The following ARHGAP24 variants were observed in gnomAD, a reference collection of about 807,000 sequenced individuals.
ARHGAP24 encodes the protein rho GTPase-activating protein 24.
A neutral mutation model predicts 76.4 loss-of-function variants in ARHGAP24; 50 were observed. The observed-to-expected ratio is 0.65, with a 90% CI of 0.52 to 0.83. The LOEUF is 0.83. Ranked by LOEUF, ARHGAP24 falls within the 40% of genes least tolerant of loss-of-function variation. The probability of loss-of-function intolerance (pLI) is 0.00; values close to 1 mark genes in which losing one functional copy is unlikely to be tolerated. For synonymous variants in ARHGAP24, 345 were observed against 323.3 expected (o/e 1.07, Z -0.72); for missense variants, 930 against 914.2 (o/e 1.02, Z -0.22).
Position 86,001,482 on chromosome 4 carries a change from GA to G in ARHGAP24, c.*764del, listed in dbSNP as rs1741014852. The stretch of plus-strand genomic sequence containing the variant: ...TATCGCCAATGCAGGATGCTCCTTA[GA>G]AAAGAAAAAATGGTAAAGAATGGCA... On this transcript the variant is annotated 3_prime_UTR_variant, in exon 10 of 10. Coordinates refer to ENST00000395184, the MANE Select transcript of ARHGAP24 (RefSeq NM_001025616.3). The G allele has an allele frequency of 2.5e-6, 1 of 398,344 alleles. No homozygotes were observed. 24.7% of individuals were successfully genotyped at this position (398,344 alleles called of 1,614,324 possible).
At chr4:85,656,539 C>T (rs1722177921) in intron 2 of ARHGAP24, among the ~76,000 whole-genome samples, 1 of 152,152 alleles carries the variant, frequency 6.6e-6, no homozygotes, top group Non-Finnish European at 1.5e-5. Context: ...GTGATCTTGG[C>T]TTACTGCAAA....
At chr4:85,767,580 G>C (rs181658928) in intron 3 of ARHGAP24, among the ~76,000 whole-genome samples, 2 of 152,104 alleles carry the variant, frequency 1.3e-5, no homozygotes, top group Non-Finnish European at 2.9e-5. Context: ...AAAGCAAACT[G>C]AGTACCTGGG....
At chr4:85,608,659 G>A (rs1720286263) in intron 2 of ARHGAP24, among the ~76,000 whole-genome samples, 1 of 137,918 alleles carries the variant, frequency 7.3e-6, no homozygotes, top group East Asian at 2.4e-4. Flanking sequence ...CCTAGTTCAA[G>A]CAATTCCCCT....
At chr4:85,932,081 G>T (rs1021086232) in intron 4 of ARHGAP24, among the ~76,000 whole-genome samples, 2 of 151,988 alleles carry the variant, frequency 1.3e-5, no homozygotes, top group Non-Finnish European at 1.5e-5. Context: ...TTTCCTTTGC[G>T]TAGCTAAGAC....
chr4:85,643,236 T>TGTGTG (rs1721594730), intron 2 of ARHGAP24, among the ~76,000 whole-genome samples: 2 of 1,620 alleles, frequency 1.2e-3, no homozygotes, highest in African/African-American at 2.6e-3. Flanking sequence ...TTTTTTGTGT[T>TGTGTG]TTTTTTTTTT....
At chr4:85,601,019 G>T (rs10015638) in intron 2 of ARHGAP24, among the ~76,000 whole-genome samples, 143,321 of 152,308 alleles carry the variant, frequency 0.94, 67,508 homozygotes, top group African/African-American at 0.98. Flanking sequence ...AATATACTCA[G>T]TTTTGTCAAA....
At chr4:85,843,733 T>C (rs1213107139) in intron 3 of ARHGAP24, among the ~76,000 whole-genome samples, 1 of 152,076 alleles carries the variant, frequency 6.6e-6, no homozygotes, top group Non-Finnish European at 1.5e-5. Flanking sequence ...AGCCACCTAT[T>C]TATTTACAGA....
At chr4:85,784,349 C>A (rs367753907) in intron 3 of ARHGAP24, among the ~76,000 whole-genome samples, 5 of 151,780 alleles carry the variant, frequency 3.3e-5, no homozygotes, top group African/African-American at 1.2e-4. Context: ...TTCTTCCCAC[C>A]TTCTTGGTTT....
chr4:85,739,955 C>A (rs1725751970), intron 3 of ARHGAP24, among the ~76,000 whole-genome samples: 1 of 152,136 alleles, frequency 6.6e-6, no homozygotes, highest in Non-Finnish European at 1.5e-5. Flanking sequence ...TACAGGATCC[C>A]ATCCCCTATC....
At chr4:85,662,680 G>C (rs1324404194) in intron 2 of ARHGAP24, among the ~76,000 whole-genome samples, 1 of 151,938 alleles carries the variant, frequency 6.6e-6, no homozygotes, top group Non-Finnish European at 1.5e-5. Context: ...AATCCATCTT[G>C]AATTAATTTT....
At chr4:85,621,113 T>C (rs915819065) in intron 2 of ARHGAP24, among the ~76,000 whole-genome samples, 2 of 152,114 alleles carry the variant, frequency 1.3e-5, no homozygotes, top group Non-Finnish European at 2.9e-5. Context: ...GATTTCATTC[T>C]TTTTTTGTGG....
In ARHGAP24 at chr4:85,972,092, C is replaced by T; in HGVS notation, c.656C>T (p.Pro219Leu). 6.2e-7 allele frequency: 1 copy of T among 1,613,978 alleles called. No individual in the cohort carries two copies. Among genetic ancestry groups the T allele is most frequent in the Non-Finnish European group, 8.5e-7 (1 of 1,179,986 alleles). ...SLLKLYLREL[P>L]EPVIPYAKYE... The stretch of plus-strand genomic sequence containing the variant: ...CTTAAGCTGTACCTCCGAGAACTTC[C>T]AGAACCAGTTATTCCTTATGCGAAG... Residue 219 changes from proline to leucine, a missense_variant, in exon 6 of 10, where the codon CCA (proline) becomes CTA (leucine). Pro to Leu is a moderately conservative substitution (Grantham distance 98). Coordinates refer to ENST00000395184, the MANE Select transcript of ARHGAP24 (RefSeq NM_001025616.3).
At chr4:85,629,663 A>T (rs1236082301) in intron 2 of ARHGAP24, among the ~76,000 whole-genome samples, 1 of 152,150 alleles carries the variant, frequency 6.6e-6, no homozygotes, top group South Asian at 2.1e-4. Context: ...CAGTTTGAAC[A>T]TATCATCCTA....
chr4:85,514,221 A>G (rs966134354), intron 1 of ARHGAP24, among the ~76,000 whole-genome samples: 3 of 152,184 alleles, frequency 2.0e-5, no homozygotes, highest in Non-Finnish European at 2.9e-5. Context: ...ATACTGTCTC[A>G]GAGGATCCCC....
intron 1 of ARHGAP24, among the ~76,000 whole-genome samples, chr4:85,490,086 C>T (rs538982724): frequency 6.6e-6 from 1 of 152,114 alleles, no homozygotes; most frequent in South Asian, 2.1e-4. Context: ...ATGCAAAGGT[C>T]ATATTACCAT....
intron 3 of ARHGAP24, among the ~76,000 whole-genome samples, chr4:85,825,370 C>A (rs559980409): frequency 2.6e-5 from 4 of 152,124 alleles, no homozygotes; most frequent in Non-Finnish European, 5.9e-5. Context: ...GTTGAAAGAA[C>A]CTGCCAATTT....
At chr4:85,627,177 C>T (rs535228312) in intron 2 of ARHGAP24, among the ~76,000 whole-genome samples, 13 of 152,238 alleles carry the variant, frequency 8.5e-5, no homozygotes, top group African/African-American at 3.1e-4. Flanking sequence ...AGTTTTTCTG[C>T]TCTGTTTTTT....
At chr4:85,897,719 CCTTTTT>C (rs1284896306) in intron 3 of ARHGAP24, among the ~76,000 whole-genome samples, 1 of 152,118 alleles carries the variant, frequency 6.6e-6, no homozygotes, top group African/African-American at 2.4e-5. Context: ...CATTTATCTT[CCTTTTT>C]CTTTATTTAT....
At chr4:85,841,207 T>TA (rs1276534716) in intron 3 of ARHGAP24, among the ~76,000 whole-genome samples, 1 of 152,248 alleles carries the variant, frequency 6.6e-6, no homozygotes, top group Non-Finnish European at 1.5e-5. Context: ...TTTCAGGTCA[T>TA]ATTGTGAAGT....
Sources: allele counts gnomAD v4.1 joint callset (sites outside exome capture counted in the v4.1 genomes callset), GRCh38; gene constraint gnomAD v4.1.1; transcripts MANE v1.5; gene names NCBI Gene and HGNC (gene_info 2026-07-23, HGNC 2026-07-21).